Variants in PRDM6 observed in about 807,000 individuals in gnomAD.
PRDM6 encodes PR/SET domain 6.
In PRDM6, 25 loss-of-function variants were observed where a neutral mutation model predicts 60.8. That is an observed-to-expected ratio of 0.41 (90% CI 0.30 to 0.57). PRDM6 has a LOEUF of 0.57. PRDM6 is among the 20% of genes least tolerant of loss of function. The probability of loss-of-function intolerance (pLI) is 0.27; values close to 1 mark genes in which losing one functional copy is unlikely to be tolerated. For synonymous variants in PRDM6, 407 were observed against 357.4 expected (o/e 1.14, Z -1.57); for missense variants, 839 against 821.3 (o/e 1.02, Z -0.26).
chr5:123,103,660 A>C (rs191534013), intron 3 of PRDM6, among the ~76,000 whole-genome samples: 4 of 152,160 alleles, frequency 2.6e-5, no homozygotes, highest in African/African-American at 9.6e-5. Context: ...AAATTAATCT[A>C]GTTGCACACG....
intron 5 of PRDM6, among the ~76,000 whole-genome samples, chr5:123,162,975 A>C (rs1011912945): frequency 6.6e-6 from 1 of 152,222 alleles, no homozygotes; most frequent in Non-Finnish European, 1.5e-5. Flanking sequence ...AGCCTTCCAC[A>C]GCCCTGAGTA....
chr5:123,166,886 G>A (rs1449895406), intron 5 of PRDM6, among the ~76,000 whole-genome samples: 2 of 152,180 alleles, frequency 1.3e-5, no homozygotes, highest in Non-Finnish European at 2.9e-5. Flanking sequence ...TGCGTTTCCA[G>A]ACTGAAGAGA....
In PRDM6 at chr5:123,119,952, T is replaced by A. The variant is rs1271861043; in HGVS notation, c.900+19991T>A. Among the ~76,000 whole-genome samples the A allele has an allele frequency of 2.6e-5, 4 of 152,340 alleles. No individual in the cohort carries two copies. In the East Asian group the frequency reaches 7.7e-4, roughly 29 times the overall value. On this transcript the variant is annotated intron_variant, in intron 3 of 7. Coordinates refer to ENST00000407847, the MANE Select transcript of PRDM6 (RefSeq NM_001136239.4). Reference sequence around the variant, plus strand: ...AAGGTTAAAAAATTATATTTTAATTTATTTGCATTTTTTAACTTAAAATTT... The same window carrying A: ...AAGGTTAAAAAATTATATTTTAATTAATTTGCATTTTTTAACTTAAAATTT...
intron 3 of PRDM6, among the ~76,000 whole-genome samples, chr5:123,110,568 C>CTT (rs974674301): frequency 3.3e-4 from 38 of 116,922 alleles, no homozygotes; most frequent in South Asian, 2.3e-3. Flanking sequence ...TTTTTTTTTT[C>CTT]TTTTTTTTTT....
At chr5:123,134,997 T>TA (rs113763871) in intron 3 of PRDM6, among the ~76,000 whole-genome samples, 6 of 148,256 alleles carry the variant, frequency 4.0e-5, no homozygotes, top group African/African-American at 1.5e-4. Context: ...AAAGTATTCT[T>TA]AAAAAAAAAA....
intron 5 of PRDM6, 95 bp downstream of exon 5, chr5:123,159,733 TC>T: frequency 1.7e-6 from 2 of 1,212,006 alleles, no homozygotes; most frequent in Non-Finnish European, 2.3e-6. Context: ...GAAACGTGGT[TC>T]ACTGTAATAA....
chr5:123,163,890 G>A (rs978103748), intron 5 of PRDM6, among the ~76,000 whole-genome samples: 6 of 152,282 alleles, frequency 3.9e-5, no homozygotes, highest in Non-Finnish European at 7.4e-5. Flanking sequence ...AGTAAACCCT[G>A]CCTGGAGGAG....
chr5:123,124,565 C>T (rs1213749453), intron 3 of PRDM6, among the ~76,000 whole-genome samples: 2 of 152,162 alleles, frequency 1.3e-5, no homozygotes, highest in Admixed American at 6.5e-5. Context: ...TTTACTGATA[C>T]GGTGTCTAAT....
chr5:123,183,160 C>T (rs544625486), intron 7 of PRDM6, among the ~76,000 whole-genome samples: 5 of 152,140 alleles, frequency 3.3e-5, no homozygotes, highest in Non-Finnish European at 7.3e-5. Context: ...TGGGTATTGG[C>T]TTACACAATG....
At position 123,090,122 on chromosome 5, in the gene PRDM6, G is replaced by A. The variant is rs1325077700; in HGVS notation, c.108G>A (p.Lys36=). 6 of 1,540,070 alleles carry A rather than the reference G, an allele frequency of 3.9e-6. No homozygotes were observed. In the East Asian group the frequency reaches 1.0e-4, roughly 26 times the overall value. ...CTCACGGAGGCGCAGGCCCGCTCAA[G>A]GGCAGCGGCGCCGCGGGTCTCCTGA... ...LFPHGGAGPL[K]GSGAAGLLSA... is the part of the protein sequence containing the mutation. Residue 36 remains lysine, a synonymous_variant, in exon 2 of 8, where the codon AAG becomes AAA. Transcript: ENST00000407847.
At chr5:123,107,473 T>G (rs995257062) in intron 3 of PRDM6, among the ~76,000 whole-genome samples, 3 of 152,120 alleles carry the variant, frequency 2.0e-5, no homozygotes, top group Non-Finnish European at 4.4e-5. Context: ...AACCACAGAG[T>G]TGCTTTTATT....
chr5:123,109,805 A>G (rs899880209), intron 3 of PRDM6, among the ~76,000 whole-genome samples: 6 of 152,206 alleles, frequency 3.9e-5, no homozygotes, highest in Non-Finnish European at 8.8e-5. Flanking sequence ...AACTTGCAAG[A>G]TGAAAATGCG....
intron 3 of PRDM6, among the ~76,000 whole-genome samples, chr5:123,145,245 T>C (rs895409227): frequency 3.9e-5 from 6 of 152,248 alleles, no homozygotes; most frequent in Middle Eastern, 3.4e-3. Context: ...TATCCAAAGG[T>C]TGGATGGGAA....
intron 3 of PRDM6, among the ~76,000 whole-genome samples, chr5:123,147,313 G>A (rs1215154892): frequency 2.0e-5 from 3 of 150,494 alleles, no homozygotes; most frequent in Middle Eastern, 3.2e-3. Flanking sequence ...GAGAGAAAAC[G>A]AACAAGAAAC....
At chr5:123,137,494 A>G (rs552113290) in intron 3 of PRDM6, among the ~76,000 whole-genome samples, 27 of 152,298 alleles carry the variant, frequency 1.8e-4, no homozygotes, top group African/African-American at 6.3e-4. Flanking sequence ...AAAGTGTGGT[A>G]AGTTGTTGTA....
At chr5:123,105,235 C>A (rs769702440) in intron 3 of PRDM6, among the ~76,000 whole-genome samples, 1 of 152,136 alleles carries the variant, frequency 6.6e-6, no homozygotes, top group Non-Finnish European at 1.5e-5. Flanking sequence ...TATTTTCTTA[C>A]ACCATGTAAT....
chr5:123,174,347 G>A (rs1240323696), intron 6 of PRDM6, among the ~76,000 whole-genome samples: 2 of 152,218 alleles, frequency 1.3e-5, no homozygotes, highest in Admixed American at 1.3e-4. Context: ...GCCACTTACA[G>A]TGAAAAGGCT....
chr5:123,095,859 T>G (rs1763947728), intron 2 of PRDM6, among the ~76,000 whole-genome samples: 1 of 152,224 alleles, frequency 6.6e-6, no homozygotes, highest in African/African-American at 2.4e-5. Flanking sequence ...ATATTTCACC[T>G]TTCCTAGAAC....
At chr5:123,164,462 G>A (rs541377486) in intron 5 of PRDM6, among the ~76,000 whole-genome samples, 23 of 152,314 alleles carry the variant, frequency 1.5e-4, no homozygotes, top group African/African-American at 4.3e-4. Context: ...AGCCCTAGTC[G>A]TAGGATGTTA....
Sources: allele counts gnomAD v4.1 joint callset (sites outside exome capture counted in the v4.1 genomes callset), GRCh38; gene constraint gnomAD v4.1.1; transcripts MANE v1.5; gene names NCBI Gene and HGNC (gene_info 2026-07-23, HGNC 2026-07-21).